FGF7: variants seen among roughly 807,000 people sequenced by gnomAD.
FGF7 encodes the protein fibroblast growth factor 7, also known as FGF-7.
In FGF7, 6 loss-of-function variants were observed where a neutral mutation model predicts 20.5. That is an observed-to-expected ratio of 0.29 (90% confidence interval 0.16 to 0.58). The LOEUF (loss-of-function observed/expected upper bound fraction) is 0.58, where lower values mean the gene tolerates loss of function less well. Among genes scored for constraint, FGF7 ranks in the 20% least tolerant of loss-of-function variants. The pLI is 0.90. For synonymous variants in FGF7, 64 were observed against 74.7 expected (o/e 0.86, Z 0.74); for missense variants, 144 against 228.8 (o/e 0.63, Z 2.39).
intron 2 of FGF7, among the ~76,000 whole-genome samples, chr15:49,449,178 AGT>A (rs1489476008): frequency 6.6e-6 from 1 of 151,990 alleles, no homozygotes; most frequent in East Asian, 1.9e-4. Context: ...TGCATTACTA[AGT>A]CTAAGTTTTT....
At chr15:49,433,018 T>G (rs538689353) in intron 2 of FGF7, among the ~76,000 whole-genome samples, 1 of 151,522 alleles carries the variant, frequency 6.6e-6, no homozygotes, top group Non-Finnish European at 1.5e-5. Context: ...GAAAAAGTAG[T>G]TGGAGCAAAA....
chr15:49,443,954 A>G (rs186688281), intron 2 of FGF7, among the ~76,000 whole-genome samples: 85 of 151,820 alleles, frequency 5.6e-4, no homozygotes, highest in African/African-American at 2.0e-3. Flanking sequence ...TCATGCTTCT[A>G]CATATAATCT....
At chr15:49,428,851 T>G (rs1484149451) in intron 2 of FGF7, among the ~76,000 whole-genome samples, 1 of 152,040 alleles carries the variant, frequency 6.6e-6, no homozygotes, top group African/African-American at 2.4e-5. Flanking sequence ...AACTGGCCAA[T>G]GATTTGGCAA....
At chr15:49,474,206 C>G (rs1490137385) in intron 2 of FGF7, among the ~76,000 whole-genome samples, 1 of 152,014 alleles carries the variant, frequency 6.6e-6, no homozygotes, top group African/African-American at 2.4e-5. Context: ...TATATCAGCC[C>G]AGTTCTTGCT....
intron 2 of FGF7, among the ~76,000 whole-genome samples, chr15:49,459,330 C>T (rs567237314): frequency 1.3e-5 from 2 of 152,252 alleles, no homozygotes; most frequent in South Asian, 4.1e-4. Context: ...CATGTGATGC[C>T]TACAACAAAT....
At chr15:49,433,792 C>T (rs1396376184) in intron 2 of FGF7, among the ~76,000 whole-genome samples, 1 of 151,650 alleles carries the variant, frequency 6.6e-6, no homozygotes, top group Non-Finnish European at 1.5e-5. Context: ...TTTTTGTTCC[C>T]ACCTGACTGC....
intron 2 of FGF7, among the ~76,000 whole-genome samples, chr15:49,441,530 T>C (rs966695234): frequency 6.6e-6 from 1 of 151,594 alleles, no homozygotes; most frequent in African/African-American, 2.4e-5. Context: ...CCAGGAAGCA[T>C]TACAGACAAA....
chr15:49,464,066 C>T (rs530739400), intron 2 of FGF7, among the ~76,000 whole-genome samples: 2 of 152,154 alleles, frequency 1.3e-5, no homozygotes, highest in African/African-American at 4.8e-5. Flanking sequence ...CAAACACCTG[C>T]TGTATGGACA....
chr15:49,471,948 A>G (rs2054814558), intron 2 of FGF7, among the ~76,000 whole-genome samples: 1 of 152,112 alleles, frequency 6.6e-6, no homozygotes, highest in East Asian at 1.9e-4. Flanking sequence ...TCTGGATAAG[A>G]AAGTGAAAGA....
intron 2 of FGF7, among the ~76,000 whole-genome samples, chr15:49,439,245 G>A (rs1297557774): frequency 1.3e-5 from 2 of 151,138 alleles, no homozygotes; most frequent in Non-Finnish European, 1.5e-5. Context: ...CATGGCAACT[G>A]GCCTCCTTCA....
chr15:49,439,278 G>A (rs911685576), intron 2 of FGF7, among the ~76,000 whole-genome samples: 2 of 149,580 alleles, frequency 1.3e-5, no homozygotes, highest in African/African-American at 4.9e-5. Context: ...AGAGGGGTAG[G>A]AGAGAGAGAG....
At chr15:49,456,149 A>AT (rs1043125515) in intron 2 of FGF7, among the ~76,000 whole-genome samples, 4 of 152,120 alleles carry the variant, frequency 2.6e-5, no homozygotes, top group East Asian at 1.9e-4. Flanking sequence ...TTTGATTGAG[A>AT]TTTTTTTCAG....
chr15:49,424,486 T>C lies in FGF7; in HGVS notation c.189T>C (p.Asp63=), dbSNP rs769477922. The part of the protein sequence containing the change: ...TRSYDYMEGG[D]IRVRRLFCRT... Reference sequence around the variant, plus strand: ...GTTATGATTACATGGAAGGAGGGGATATAAGAGTGAGAAGACTCTTCTGTC... The same window carrying C: ...GTTATGATTACATGGAAGGAGGGGACATAAGAGTGAGAAGACTCTTCTGTC... The change falls in exon 2 of 4, where the codon GAT becomes GAC. Residue 63 remains aspartate (D), a synonymous_variant. Coordinates refer to ENST00000267843, the MANE Select transcript of FGF7 (RefSeq NM_002009.4). The C allele has an allele frequency of 1.9e-6, 3 of 1,613,420 alleles. No individual in the cohort carries two copies. The Admixed American group carries it at 5.0e-5, about 27-fold the overall frequency.
chr15:49,438,734 T>C (rs1404197238), intron 2 of FGF7, among the ~76,000 whole-genome samples: 2 of 151,642 alleles, frequency 1.3e-5, no homozygotes, highest in Non-Finnish European at 1.5e-5. Flanking sequence ...GCCTCAGTTT[T>C]TGTTTTTGTA....
At chr15:49,471,554 T>C (rs906089390) in intron 2 of FGF7, among the ~76,000 whole-genome samples, 2 of 150,546 alleles carry the variant, frequency 1.3e-5, no homozygotes, top group African/African-American at 2.4e-5. Context: ...AATGAATTTA[T>C]ATACAGAAGA....
intron 2 of FGF7, among the ~76,000 whole-genome samples, chr15:49,427,055 G>A (rs1398125763): frequency 6.6e-6 from 1 of 151,938 alleles, no homozygotes; most frequent in Non-Finnish European, 1.5e-5. Flanking sequence ...ATGCTACAAT[G>A]AAGAATATAT....
intron 2 of FGF7, among the ~76,000 whole-genome samples, chr15:49,436,996 C>A (rs773602445): frequency 4.0e-5 from 6 of 151,500 alleles, no homozygotes; most frequent in East Asian, 1.9e-4. Flanking sequence ...CCTGAGAAGG[C>A]GTAGCAACCT....
intron 2 of FGF7, among the ~76,000 whole-genome samples, chr15:49,434,199 C>T (rs1168786094): frequency 6.6e-6 from 1 of 151,634 alleles, no homozygotes; most frequent in Non-Finnish European, 1.5e-5. Context: ...AGGCAGCTCT[C>T]ATAGGAAGGT....
chr15:49,466,604 G>A (rs1006656435), intron 2 of FGF7, among the ~76,000 whole-genome samples: 2 of 152,088 alleles, frequency 1.3e-5, no homozygotes, highest in Non-Finnish European at 1.5e-5. Flanking sequence ...TACATAAAGG[G>A]TTAAAGTCAG....
Sources: gnomAD v4.1 joint callset for allele counts (sites outside exome capture counted in the v4.1 genomes callset) on GRCh38, gnomAD v4.1.1 for gene constraint, MANE v1.5 for transcripts, NCBI Gene and HGNC (gene_info 2026-07-23, HGNC 2026-07-21) for gene names.